Variants in AQR observed in about 807,000 individuals in gnomAD.
The protein encoded by AQR is aquarius intron-binding spliceosomal factor.
A neutral mutation model predicts 180.5 loss-of-function variants in AQR; 61 were observed. That is an observed-to-expected ratio of 0.34 (90% CI 0.28 to 0.42). The LOEUF (loss-of-function observed/expected upper bound fraction) is 0.42. Ranked by LOEUF, AQR falls within the 10% of genes least tolerant of loss-of-function variation. AQR has a pLI of 1.00. For missense variants in AQR, 1,281 were observed against 1,798.3 expected (o/e 0.71, Z 5.20); for synonymous variants, 551 against 588.8 (o/e 0.94, Z 0.93).
At chr15:34,933,114 T>A (rs1234100578) in intron 10 of AQR, among the ~76,000 whole-genome samples, 1 of 152,206 alleles carries the variant, frequency 6.6e-6, no homozygotes, top group Non-Finnish European at 1.5e-5. Flanking sequence ...AATCCCTATG[T>A]GGAGATTCCT....
chr15:34,916,152 T>C (rs1893581655), intron 15 of AQR, among the ~76,000 whole-genome samples: 1 of 152,232 alleles, frequency 6.6e-6, no homozygotes, highest in Non-Finnish European at 1.5e-5. Context: ...AATGTTACCA[T>C]AAATTTAGCC....
At position 34,917,618 on chromosome 15, in the gene AQR, G is replaced by A. The variant is rs112215253; in HGVS notation, c.1342+640C>T. 7.2e-5 allele frequency among the ~76,000 whole-genome samples: 11 copies of A among 152,098 alleles called. 1 individual carries two copies. Among genetic ancestry groups the A allele is most frequent in the African/African-American group, 2.4e-4 (10 of 41,520 alleles). ...TAAGAAAAGCCTTTGAAAAACAAAAGCTCTATCAAACACAGCCTATCATAG... is the reference window on the plus strand; with the variant it reads ...TAAGAAAAGCCTTTGAAAAACAAAAACTCTATCAAACACAGCCTATCATAG... On this transcript the variant is annotated intron_variant, in intron 15 of 34. Transcript: ENST00000156471.
intron 10 of AQR, among the ~76,000 whole-genome samples, chr15:34,932,862 G>C (rs1468889444): frequency 2.6e-5 from 4 of 151,948 alleles, no homozygotes; most frequent in Admixed American, 2.6e-4. Flanking sequence ...AGCTGAGGCA[G>C]GGAGAATTGC....
At chr15:34,858,539 A>G (rs941456468) in intron 34 of AQR, among the ~76,000 whole-genome samples, 1 of 152,152 alleles carries the variant, frequency 6.6e-6, no homozygotes, top group Non-Finnish European at 1.5e-5. Flanking sequence ...TCTTCAAAAT[A>G]TCCTTTTAAA....
chr15:34,943,034 A>C (rs111702666), intron 6 of AQR: 6 of 1,576,244 alleles, frequency 3.8e-6, no homozygotes. Flanking sequence ...TGTTTAGTTT[A>C]ATAAATGTTA....
At chr15:34,864,867 G>A (rs1450596704) in intron 32 of AQR, among the ~76,000 whole-genome samples, 1 of 152,040 alleles carries the variant, frequency 6.6e-6, no homozygotes, top group Non-Finnish European at 1.5e-5. Context: ...TCAAATGTAG[G>A]TATCTTCCAA....
chr15:34,872,085 T>C (rs1019376110), intron 30 of AQR, among the ~76,000 whole-genome samples: 3 of 152,208 alleles, frequency 2.0e-5, no homozygotes, highest in African/African-American at 7.2e-5. Context: ...TCATTTAAGT[T>C]TTCTAGTTCT....
In AQR at chr15:34,862,113, G is replaced by A. The variant is rs1027785772; in HGVS notation, c.4029+754C>T. Among the ~76,000 whole-genome samples, 6 of 152,220 alleles carry A rather than the reference G, an allele frequency of 3.9e-5. No individual in the cohort carries two copies. The South Asian group carries it at 6.2e-4, about 16-fold the overall frequency. On this transcript the variant is annotated intron_variant, in intron 33 of 34. Coordinates refer to ENST00000156471, the MANE Select transcript of AQR (RefSeq NM_014691.3). Reference sequence around the variant, plus strand: ...TATGGAGGGAAGGTGCTAGGAAAAGGGGAGAAAGAAGGGGAGATAAGAGGG... The same window carrying A: ...TATGGAGGGAAGGTGCTAGGAAAAGAGGAGAAAGAAGGGGAGATAAGAGGG...
chr15:34,914,911 T>C, intron 16 of AQR, 127 bp downstream of exon 16: 1 of 961,300 alleles, frequency 1.0e-6, no homozygotes, highest in Non-Finnish European at 1.5e-6. Context: ...AAAGAGTAAA[T>C]ATCTCCTATT....
rs1892875842 is a variant in AQR at position 34,875,344 on chromosome 15, C to T, written c.3238-480G>A. Among the ~76,000 whole-genome samples, 3 of 152,146 alleles carry T rather than the reference C, an allele frequency of 2.0e-5. No individual in the cohort carries two copies. The South Asian group carries it at 6.2e-4, about 31-fold the overall frequency. On this transcript the variant is annotated intron_variant, in intron 28 of 34. Transcript: ENST00000156471. ...TTCCTACTCTATATGTCTCCTAGTT[C>T]CTTGAAACATATCCTGATAGAATAC...
intron 30 of AQR, among the ~76,000 whole-genome samples, chr15:34,873,268 A>T (rs1407604954): frequency 6.6e-6 from 1 of 152,150 alleles, no homozygotes; most frequent in Non-Finnish European, 1.5e-5. Context: ...CTTTTCATAC[A>T]TGCTGACAAT....
intron 22 of AQR, among the ~76,000 whole-genome samples, chr15:34,894,049 A>C (rs997792990): frequency 3.9e-5 from 6 of 152,198 alleles, no homozygotes; most frequent in African/African-American, 1.4e-4. Context: ...ATTCTAAGAC[A>C]GAAAGGAAAA....
chr15:34,890,034 A>T (rs1235078333), intron 24 of AQR, among the ~76,000 whole-genome samples, 181 bp downstream of exon 24: 6 of 152,254 alleles, frequency 3.9e-5, no homozygotes, highest in African/African-American at 1.4e-4. Context: ...ATAACCATAC[A>T]CAACTGGAAC....
chr15:34,930,130 G>A (rs1302395180), intron 12 of AQR, 128 bp downstream of exon 12: 6 of 513,872 alleles, frequency 1.2e-5, no homozygotes, highest in African/African-American at 5.7e-5. Flanking sequence ...AAAAAGAAAC[G>A]TTAAAAATGT....
Position 34,851,938 on chromosome 15 carries a change from T to G in AQR, c.*4854A>C, listed in dbSNP as rs1398436880. On this transcript the variant is annotated 3_prime_UTR_variant, in exon 35 of 35. Transcript: ENST00000156471. ...AATGTCATGGTACATTGACCAAACT[T>G]TTATTCATTTGCATTTTCAGGATGT... The G allele has an allele frequency of 6.6e-6, 1 of 152,162 alleles. No homozygotes were observed. The highest frequency in any genetic ancestry group is 1.5e-5 in the Non-Finnish European group (1 of 68,034). The allele number at this position is 152,162 out of a possible 1,614,324, so 9.4% of individuals were successfully genotyped here.
At chr15:34,924,579 GCAC>G (rs929264477) in intron 13 of AQR, among the ~76,000 whole-genome samples, 2 of 151,960 alleles carry the variant, frequency 1.3e-5, no homozygotes, top group Admixed American at 1.3e-4. Flanking sequence ...TTACAGGCGT[GCAC>G]CACCACACGT....
intron 15 of AQR, among the ~76,000 whole-genome samples, chr15:34,916,794 A>G (rs1227871467): frequency 6.6e-6 from 1 of 151,264 alleles, no homozygotes; most frequent in Non-Finnish European, 1.5e-5. Flanking sequence ...ACAGAGGAAC[A>G]TGCTGCAATA....
intron 21 of AQR, 58 bp downstream of exon 21, chr15:34,897,501 C>A (rs143466179): frequency 6.3e-7 from 1 of 1,580,790 alleles, no homozygotes; most frequent in Non-Finnish European, 8.7e-7. Context: ...CATTCCTAAT[C>A]CAGTTGAAAT....
chr15:34,960,399 AT>A (rs1361582485), intron 3 of AQR, among the ~76,000 whole-genome samples: 1 of 152,202 alleles, frequency 6.6e-6, no homozygotes, highest in Non-Finnish European at 1.5e-5. Context: ...ATTATTATAC[AT>A]TTTATACATT....
Sources: allele counts gnomAD v4.1 joint callset (sites outside exome capture counted in the v4.1 genomes callset), GRCh38; gene constraint gnomAD v4.1.1; transcripts MANE v1.5; gene names NCBI Gene and HGNC (gene_info 2026-07-23, HGNC 2026-07-21).